Variants in AKAP13 observed in about 807,000 individuals in gnomAD.
AKAP13 encodes the protein A-kinase anchor protein 13.
Under a neutral mutation model 264.5 loss-of-function variants are expected in AKAP13, and 80 were observed. That is an observed-to-expected ratio of 0.30 (90% confidence interval 0.25 to 0.36). The LOEUF (loss-of-function observed/expected upper bound fraction) is 0.36. Among genes scored for constraint, AKAP13 ranks in the 10% least tolerant of loss-of-function variants. The pLI, the probability that AKAP13 is intolerant of heterozygous loss-of-function variation, is 1.00. For synonymous variants in AKAP13, 1,380 were observed against 1,250.2 expected (o/e 1.10, Z -2.19); for missense variants, 3,712 against 3,435.2 (o/e 1.08, Z -2.01).
intron 6 of AKAP13, among the ~76,000 whole-genome samples, chr15:85,576,567 A>G (rs1286179718): frequency 2.0e-5 from 3 of 152,180 alleles, no homozygotes; most frequent in African/African-American, 7.2e-5. Context: ...TTTTCCACCC[A>G]GTTTATTTCA....
chr15:85,710,751 C>A (rs1296321682), intron 19 of AKAP13, 106 bp downstream of exon 19: 1 of 1,260,588 alleles, frequency 7.9e-7, no homozygotes, highest in African/African-American at 1.5e-5. Flanking sequence ...GATATGAATA[C>A]CTATTTTGTG....
intron 8 of AKAP13, 65 bp from the exon 9 acceptor site, chr15:85,639,309 G>A (rs1042070222): frequency 1.8e-6 from 2 of 1,089,504 alleles, no homozygotes; most frequent in Non-Finnish European, 1.4e-6. Flanking sequence ...ACATAATTTT[G>A]GCACCTGTAA....
At position 85,717,994 on chromosome 15, in the gene AKAP13, T is replaced by C. The variant is rs764306547; in HGVS notation, c.5849-13T>C. Reference sequence around the variant, plus strand: ...CAAACCTGATTCTGATATTGATTTTTTGATATATTGAGGAGTAGGTACAGA... The same window carrying C: ...CAAACCTGATTCTGATATTGATTTTCTGATATATTGAGGAGTAGGTACAGA... On this transcript the variant is annotated splice_polypyrimidine_tract_variant and intron_variant, in intron 21 of 36. Coordinates refer to ENST00000394518, the MANE Select transcript of AKAP13 (RefSeq NM_007200.5). 4 of 1,608,356 alleles carry C rather than the reference T, an allele frequency of 2.5e-6. No individual in the cohort carries two copies. The highest frequency in any genetic ancestry group is 3.4e-6 in the Non-Finnish European group (4 of 1,176,286).
intron 1 of AKAP13, among the ~76,000 whole-genome samples, chr15:85,393,143 G>A (rs1228806266): frequency 1.3e-5 from 2 of 152,190 alleles, no homozygotes; most frequent in African/African-American, 2.4e-5. Context: ...TTGTGACATT[G>A]CATGGAAATA....
chr15:85,540,327 T>G (rs1261388146), intron 4 of AKAP13, among the ~76,000 whole-genome samples: 2 of 152,192 alleles, frequency 1.3e-5, no homozygotes, highest in Non-Finnish European at 2.9e-5. Flanking sequence ...GTTGATGCAG[T>G]GGGATTATCC....
intron 1 of AKAP13, among the ~76,000 whole-genome samples, chr15:85,449,749 GC>G (rs1274192669): frequency 6.6e-6 from 1 of 152,130 alleles, no homozygotes; most frequent in African/African-American, 2.4e-5. Context: ...GAACCAACTT[GC>G]AACTGGGGAT....
At chr15:85,588,837 A>G (rs142589746) in intron 8 of AKAP13, among the ~76,000 whole-genome samples, 43 of 152,304 alleles carry the variant, frequency 2.8e-4, no homozygotes, top group African/African-American at 1.0e-3. Flanking sequence ...CAACAGGGCG[A>G]TTCCTCCTTG....
At chr15:85,686,109 A>C (rs535527692) in intron 16 of AKAP13, among the ~76,000 whole-genome samples, 1 of 152,018 alleles carries the variant, frequency 6.6e-6, no homozygotes, top group South Asian at 2.1e-4. Context: ...GTAAATAAAA[A>C]TTTGAAATCA....
rs1597155237 is a variant in AKAP13 at position 85,715,985 on chromosome 15, C to T, written c.5735+62C>T. 6.2e-6 allele frequency: 9 copies of T among 1,443,266 alleles called. No individual in the cohort carries two copies. In the South Asian group the frequency reaches 1.1e-4, roughly 18 times the overall value. 89.4% of individuals were successfully genotyped at this position (1,443,266 alleles called of 1,614,324 possible). A position where few individuals can be genotyped will look rare whatever the true frequency, so the allele number is the denominator to read the frequency against. ...CTAGGTGACCAGAGCATAATAATCACATCATATGACAAAAAGCTTTTTTTT... is the reference window on the plus strand; with the variant it reads ...CTAGGTGACCAGAGCATAATAATCATATCATATGACAAAAAGCTTTTTTTT... On this transcript the variant is annotated intron_variant, in intron 20 of 36. Transcript: ENST00000394518.
chr15:85,673,662 CTTTCTTT>C (rs1322795733), intron 14 of AKAP13, among the ~76,000 whole-genome samples: 4 of 103,452 alleles, frequency 3.9e-5, no homozygotes, highest in East Asian at 3.5e-4. Context: ...CCCTTTCTTT[CTTTCTTT>C]TTTTTTTTTT....
At chr15:85,646,091 G>C in intron 10 of AKAP13, 137 bp downstream of exon 10, 6 of 1,137,716 alleles carry the variant, frequency 5.3e-6, no homozygotes, top group Non-Finnish European at 7.4e-6. Context: ...CTAGTAAGTT[G>C]TGATCCAGCT....
At chr15:85,730,476 A>G (rs1480694594) in intron 29 of AKAP13, 37 bp from the exon 30 acceptor site, 2 of 1,602,576 alleles carry the variant, frequency 1.2e-6, no homozygotes, top group East Asian at 2.2e-5. Context: ...ATTACTAAAC[A>G]CCAATCAAAT....
At chr15:85,565,733 C>T (rs960042999) in intron 5 of AKAP13, among the ~76,000 whole-genome samples, 2 of 152,150 alleles carry the variant, frequency 1.3e-5, no homozygotes, top group African/African-American at 4.8e-5. Context: ...AGGTATGGGC[C>T]TCATAGTTCA....
rs1337850747 is a variant in AKAP13, at chr15:85,718,853, C to T, written c.6002-223C>T. On this transcript the variant is annotated intron_variant, in intron 22 of 36. Coordinates refer to ENST00000394518, the MANE Select transcript of AKAP13 (RefSeq NM_007200.5). The surrounding 1 kb of genome is among the most constrained non-coding windows in gnomAD (Gnocchi z 4.9). Reference sequence around the variant, plus strand: ...AGGTTGAGGCTGCAATGAGCCATGACTTCAGCCTGCACTTCAGCCTGGGTG... The same window carrying T: ...AGGTTGAGGCTGCAATGAGCCATGATTTCAGCCTGCACTTCAGCCTGGGTG... 7 of 526,240 alleles carry T rather than the reference C, an allele frequency of 1.3e-5. No homozygotes were observed. The East Asian group carries it at 2.6e-4, about 20-fold the overall frequency. The allele number at this position is 526,240 out of a possible 1,614,324, so 32.6% of individuals were successfully genotyped here.
At chr15:85,625,497 C>T (rs1308711591) in intron 8 of AKAP13, among the ~76,000 whole-genome samples, 1 of 152,114 alleles carries the variant, frequency 6.6e-6, no homozygotes, top group African/African-American at 2.4e-5. Flanking sequence ...GGAAAAGAGA[C>T]TAACATGAGA....
chr15:85,381,030 T>G (rs2083392083), intron 1 of AKAP13, among the ~76,000 whole-genome samples: 1 of 151,962 alleles, frequency 6.6e-6, no homozygotes, highest in South Asian at 2.1e-4. Context: ...CATTGTCTGC[T>G]TGGGGCTCGG....
At chr15:85,494,099 C>T (rs1169973109) in intron 2 of AKAP13, among the ~76,000 whole-genome samples, 1 of 152,160 alleles carries the variant, frequency 6.6e-6, no homozygotes, top group Admixed American at 6.5e-5. Context: ...TGAACAACTA[C>T]TCATACCATC....
chr15:85,570,763 G>A (rs1428504909), intron 5 of AKAP13, among the ~76,000 whole-genome samples: 3 of 152,110 alleles, frequency 2.0e-5, no homozygotes, highest in East Asian at 1.9e-4. Flanking sequence ...AGAACTGATC[G>A]ACAGGGTTGA....
chr15:85,511,304 T>C (rs1168747913), intron 2 of AKAP13, among the ~76,000 whole-genome samples: 1 of 152,222 alleles, frequency 6.6e-6, no homozygotes, highest in African/African-American at 2.4e-5. Context: ...GTCTAGTCAT[T>C]GGCTCTCTAT....
Sources: allele counts gnomAD v4.1 joint callset (sites outside exome capture counted in the v4.1 genomes callset), GRCh38; gene constraint gnomAD v4.1.1; non-coding constraint Gnocchi (gnomAD v3.1); transcripts MANE v1.5; gene names NCBI Gene and HGNC (gene_info 2026-07-23, HGNC 2026-07-21).